Variants in DPP10 observed in about 807,000 individuals in gnomAD.
DPP10 encodes the protein dipeptidyl peptidase like 10.
Under a neutral mutation model 120.9 loss-of-function variants are expected in DPP10, and 33 were observed. The observed-to-expected ratio is 0.27, with a 90% confidence interval of 0.21 to 0.37. DPP10 has a LOEUF of 0.37. Ranked by LOEUF, DPP10 falls within the 10% of genes least tolerant of loss-of-function variation. DPP10 has a pLI of 1.00. For synonymous variants in DPP10, 337 were observed against 326.1 expected (o/e 1.03, Z -0.36); for missense variants, 816 against 942.8 (o/e 0.87, Z 1.76).
intron 1 of DPP10, among the ~76,000 whole-genome samples, chr2:114,873,583 G>A (rs556461530): frequency 3.9e-5 from 6 of 152,234 alleles, no homozygotes; most frequent in Admixed American, 2.0e-4. Context: ...ATGGCTGCGT[G>A]GCTTTCTGGT....
rs576579713 is a variant in DPP10 at position 115,831,481 on chromosome 2, G to T, written c.1951-4676G>T. On this transcript the variant is annotated intron_variant, in intron 21 of 25. Transcript: ENST00000410059. ...TCTCCAACTCCTTACCTTGTGATCC[G>T]CTGGCCTCGGCCTCCCAAAGTGCTG... Among the ~76,000 whole-genome samples the T allele has an allele frequency of 1.6e-3, 243 of 152,096 alleles. 1 individual carries two copies. The highest frequency in any genetic ancestry group is 1.7e-3 in the Non-Finnish European group (113 of 67,974).
intron 1 of DPP10, among the ~76,000 whole-genome samples, chr2:114,934,186 AG>A (rs1480167627): frequency 6.6e-6 from 1 of 152,162 alleles, no homozygotes; most frequent in Non-Finnish European, 1.5e-5. Context: ...GAACAAAGAA[AG>A]GGTTAAGGAT....
At chr2:114,719,037 T>C (rs1701534823) in intron 1 of DPP10, among the ~76,000 whole-genome samples, 2 of 152,230 alleles carry the variant, frequency 1.3e-5, no homozygotes, top group Non-Finnish European at 2.9e-5. Flanking sequence ...AAATTCAAAG[T>C]TCTAGTCTGA....
rs115740932 is a variant in DPP10, at chr2:114,873,848, C to T, written c.60+431010C>T. On this transcript the variant is annotated intron_variant, in intron 1 of 25. Coordinates refer to ENST00000410059, the MANE Select transcript of DPP10 (RefSeq NM_020868.6). ...TGAGATGGCTTTCTATACGTAGATC[C>T]CTGGCCAGAGATTTTGAGTTATGAG... Among the ~76,000 whole-genome samples, 1,220 of 152,156 alleles carry T rather than the reference C, an allele frequency of 8.0e-3. 15 individuals carry two copies. Among genetic ancestry groups the T allele is most frequent in the African/African-American group, 0.028 (1,170 of 41,506 alleles).
At chr2:115,404,374 C>G (rs893752215) in intron 3 of DPP10, among the ~76,000 whole-genome samples, 4 of 152,160 alleles carry the variant, frequency 2.6e-5, no homozygotes, top group Non-Finnish European at 5.9e-5. Context: ...TCAATCACCT[C>G]TAACCAGGCC....
intron 3 of DPP10, among the ~76,000 whole-genome samples, chr2:115,421,424 A>T (rs774306812): frequency 1.3e-4 from 20 of 152,278 alleles, no homozygotes; most frequent in Middle Eastern, 3.4e-3. Flanking sequence ...TTCTACCTGC[A>T]TATATTCCTG....
chr2:115,519,480 AAG>A (rs2077681125), intron 4 of DPP10, among the ~76,000 whole-genome samples: 1 of 152,182 alleles, frequency 6.6e-6, no homozygotes, highest in Non-Finnish European at 1.5e-5. Context: ...GATGTCAGGA[AAG>A]AGATATAATT....
At chr2:114,640,458 C>T (rs1446856088) in intron 1 of DPP10, among the ~76,000 whole-genome samples, 1 of 151,840 alleles carries the variant, frequency 6.6e-6, no homozygotes, top group Non-Finnish European at 1.5e-5. Context: ...AAACTTTCAG[C>T]AGCCATAGTG....
chr2:115,300,208 T>C (rs796211460), intron 1 of DPP10, among the ~76,000 whole-genome samples: 8 of 152,176 alleles, frequency 5.3e-5, no homozygotes, highest in African/African-American at 1.9e-4. Context: ...GCATAACCAT[T>C]AAAAAGATAA....
intron 1 of DPP10, among the ~76,000 whole-genome samples, chr2:114,573,127 CA>C: frequency 6.6e-6 from 1 of 152,208 alleles, no homozygotes; most frequent in Admixed American, 6.5e-5. Flanking sequence ...GGACTACAGG[CA>C]CATGCCACCA....
At chr2:115,152,244 T>C (rs1246762448) in intron 1 of DPP10, among the ~76,000 whole-genome samples, 1 of 152,214 alleles carries the variant, frequency 6.6e-6, no homozygotes, top group African/African-American at 2.4e-5. Flanking sequence ...ACCATGAAGA[T>C]AGTCATAAGC....
At chr2:115,346,263 A>G (rs1402557772) in intron 3 of DPP10, among the ~76,000 whole-genome samples, 3 of 152,196 alleles carry the variant, frequency 2.0e-5, no homozygotes, top group Non-Finnish European at 4.4e-5. Context: ...TCTAAATGTA[A>G]CCTGTGAGCT....
intron 1 of DPP10, among the ~76,000 whole-genome samples, chr2:115,228,248 T>C (rs181978549): frequency 6.6e-6 from 1 of 152,102 alleles, no homozygotes; most frequent in East Asian, 1.9e-4. Flanking sequence ...CACCCGGCCC[T>C]ATACATGGGG....
At chr2:115,617,490 A>G (rs940982072) in intron 5 of DPP10, among the ~76,000 whole-genome samples, 4 of 151,770 alleles carry the variant, frequency 2.6e-5, no homozygotes, top group African/African-American at 7.3e-5. Context: ...ATTTTGGTAA[A>G]CTATAGACTA....
intron 1 of DPP10, among the ~76,000 whole-genome samples, chr2:114,571,968 ATATT>A (rs1003944672): frequency 1.3e-5 from 2 of 148,804 alleles, no homozygotes; most frequent in African/African-American, 4.9e-5. Context: ...TATTGTGTAT[ATATT>A]ATGTATATGT....
At position 114,938,969 on chromosome 2, in the gene DPP10, C is replaced by A. The variant is rs17043810; in HGVS notation, c.61-370270C>A. On this transcript the variant is annotated intron_variant, in intron 1 of 25. Coordinates refer to ENST00000410059, the MANE Select transcript of DPP10 (RefSeq NM_020868.6). Reference sequence around the variant, plus strand: ...ATCCAAATTCAGATATTTATTAATTCATTTACTTTCTAACTTTCCTGTCAC... The same window carrying A: ...ATCCAAATTCAGATATTTATTAATTAATTTACTTTCTAACTTTCCTGTCAC... 5.8e-3 allele frequency among the ~76,000 whole-genome samples: 888 copies of A among 152,006 alleles called. 10 individuals are homozygous for A. The highest frequency in any genetic ancestry group is 0.031 in the Middle Eastern group (9 of 294).
chr2:115,525,977 A>G lies in DPP10; in HGVS notation c.441+5A>G. On this transcript the variant is annotated splice_donor_5th_base_variant and intron_variant, in intron 5 of 25. Coordinates refer to ENST00000410059, the MANE Select transcript of DPP10 (RefSeq NM_020868.6). ...CTGGCATATGATGTCAAACAGGTAA[A>G]GGAGTGATCTTCTTTGAGAATACTT... The G allele has an allele frequency of 6.3e-7, 1 of 1,599,540 alleles. No homozygotes were observed. The highest frequency in any genetic ancestry group is 8.5e-7 in the Non-Finnish European group (1 of 1,173,090).
chr2:115,231,187 T>C (rs1026876834), intron 1 of DPP10, among the ~76,000 whole-genome samples: 4 of 152,046 alleles, frequency 2.6e-5, no homozygotes, highest in African/African-American at 9.7e-5. Flanking sequence ...TCTGGTATTA[T>C]AGATTAAAAA....
At chr2:114,682,778 A>G (rs935837885) in intron 1 of DPP10, among the ~76,000 whole-genome samples, 369 of 104,476 alleles carry the variant, frequency 3.5e-3, no homozygotes, top group African/African-American at 4.9e-3. Context: ...CTGTCTATCT[A>G]TCTATCTATC....
Sources: gnomAD v4.1 joint callset for allele counts (sites outside exome capture counted in the v4.1 genomes callset) on GRCh38, gnomAD v4.1.1 for gene constraint, MANE v1.5 for transcripts, NCBI Gene and HGNC (gene_info 2026-07-23, HGNC 2026-07-21) for gene names.